HSPD1: variants seen among roughly 807,000 people sequenced by gnomAD.
HSPD1 encodes 60 kDa heat shock protein, mitochondrial.
Under a neutral mutation model 53.0 loss-of-function variants are expected in HSPD1, and 3 were observed. The ratio of observed to expected loss-of-function variants is 0.06; its 90% confidence interval spans 0.03 to 0.15. The LOEUF (loss-of-function observed/expected upper bound fraction) is 0.15, where lower values mean the gene tolerates loss of function less well. HSPD1 is among the 10% of genes least tolerant of loss of function. The pLI is 1.00. For missense variants in HSPD1, 431 were observed against 694.1 expected (o/e 0.62, Z 4.26); for synonymous variants, 200 against 228.0 (o/e 0.88, Z 1.10).
intron 7 of HSPD1, among the ~76,000 whole-genome samples, chr2:197,492,723 A>G (rs2086109814): frequency 6.6e-6 from 1 of 151,760 alleles, no homozygotes; most frequent in Non-Finnish European, 1.5e-5. Context: ...AAATAAAAAA[A>G]TTACAAGGCC....
intron 4 of HSPD1, 156 bp downstream of exon 4, chr2:197,495,138 A>T: frequency 1.5e-6 from 1 of 654,540 alleles, no homozygotes; most frequent in Non-Finnish European, 2.8e-6. Flanking sequence ...TTATGGTCAT[A>T]ATTCTTTTCA....
chr2:197,497,025 G>T, intron 3 of HSPD1, 115 bp downstream of exon 3: 1 of 1,057,490 alleles, frequency 9.5e-7, no homozygotes, highest in Non-Finnish European at 1.5e-6. Context: ...AGGCCAAGAG[G>T]AGGAATGAGA....
At chr2:197,491,190 G>GT (rs1261711864) in intron 7 of HSPD1, among the ~76,000 whole-genome samples, 3,915 of 136,674 alleles carry the variant, frequency 0.029, 134 homozygotes, top group African/African-American at 0.079. Flanking sequence ...TTTTTTGTGT[G>GT]TTTTTTTTTT....
intron 1 of HSPD1, chr2:197,499,478 T>G: frequency 6.5e-6 from 1 of 153,764 alleles, no homozygotes; most frequent in Admixed American, 6.5e-5. Flanking sequence ...TACACCACCC[T>G]CCCCGGTTCC....
rs143615888 is a variant in HSPD1, at chr2:197,497,674, A to C, written c.175-282T>G. On this transcript the variant is annotated intron_variant, in intron 2 of 11. Coordinates refer to ENST00000388968, the MANE Select transcript of HSPD1 (RefSeq NM_002156.5). ...TTGTCATCTTATAAAATGAACAAGA[A>C]CACAAGACAAAGAATAAAACAATCT... Among the ~76,000 whole-genome samples, 200 of 152,370 alleles carry C rather than the reference A, an allele frequency of 1.3e-3. 1 individual carries two copies. The highest frequency in any genetic ancestry group is 4.4e-3 in the African/African-American group (184 of 41,600).
intron 6 of HSPD1, 46 bp from the exon 7 acceptor site, chr2:197,493,538 A>G: frequency 2.2e-6 from 3 of 1,372,200 alleles, no homozygotes; most frequent in Non-Finnish European, 3.1e-6. Context: ...AAATGACTGC[A>G]ATACATTTAA....
intron 7 of HSPD1, chr2:197,490,594 GC>G: frequency 2.8e-6 from 1 of 359,418 alleles, no homozygotes; most frequent in Non-Finnish European, 5.2e-6. Context: ...ACTTTGCAAG[GC>G]CCAGGCAGGT....
chr2:197,490,850 A>G (rs2086082870), intron 7 of HSPD1, among the ~76,000 whole-genome samples: 1 of 152,236 alleles, frequency 6.6e-6, no homozygotes, highest in Non-Finnish European at 1.5e-5. Flanking sequence ...ATCTCCATAT[A>G]TTAATGCTGA....
chr2:197,498,979 G>T, intron 1 of HSPD1, 129 bp from the exon 2 acceptor site: 1 of 852,020 alleles, frequency 1.2e-6, no homozygotes, highest in Non-Finnish European at 2.0e-6. Flanking sequence ...CAGCCACTAC[G>T]CCTGAATGAC....
At chr2:197,494,980 A>T (rs2086140164) in intron 4 of HSPD1, 1 of 598,288 alleles carries the variant, frequency 1.7e-6, no homozygotes, top group Non-Finnish European at 3.0e-6. Flanking sequence ...TCTTGTAACA[A>T]AAAGTTTAAA....
chr2:197,493,944 A>G (rs1312631721), intron 6 of HSPD1, among the ~76,000 whole-genome samples: 1 of 152,172 alleles, frequency 6.6e-6, no homozygotes, highest in African/African-American at 2.4e-5. Flanking sequence ...TCTACTAAAA[A>G]TACAAAAATC....
In HSPD1 at chr2:197,498,734, A is replaced by T; in HGVS notation, c.115T>A (p.Leu39Ile). The change falls in exon 2 of 12, where the codon TTA becomes ATA. Residue 39 changes from leucine (L) to isoleucine (I), a missense_variant. Coordinates refer to ENST00000388968, the MANE Select transcript of HSPD1 (RefSeq NM_002156.5). Reference protein sequence around the residue: ...DVKFGADARALMLQGVDLLAD... With the variant: ...DVKFGADARAIMLQGVDLLAD... ...AAAAGGTCTACACCTTGAAGCATTA[A>T]GGCTCGGGCATCTGCACCAAATTTT... The T allele has an allele frequency of 6.2e-7, 1 of 1,614,194 alleles. No homozygotes were observed. Among genetic ancestry groups the T allele is most frequent in the East Asian group, 2.2e-5 (1 of 44,890 alleles).
At chr2:197,500,240 G>A (rs1042611498), upstream of HSPD1, 2 of 673,318 alleles carry the variant, frequency 3.0e-6, no homozygotes, top group East Asian at 2.7e-5. Context: ...GTCCTGCGCA[G>A]GGCCCTTGGG....
chr2:197,497,525 A>T lies in HSPD1; in HGVS notation c.175-133T>A, dbSNP rs138170796. The T allele has an allele frequency of 1.8e-4, 160 of 874,948 alleles. No homozygotes were observed. In the African/African-American group the frequency reaches 2.5e-3, roughly 14 times the overall value. 54.2% of individuals were successfully genotyped at this position (874,948 alleles called of 1,614,324 possible). A position where few individuals can be genotyped will look rare whatever the true frequency, so the allele number is the denominator to read the frequency against. The stretch of plus-strand genomic sequence containing the variant: ...GTTGTGTCATTTTTATCAGTCTTGC[A>T]GCATGAACCTCAAGGGCAAGTTTAT... On this transcript the variant is annotated intron_variant, in intron 2 of 11. Coordinates refer to ENST00000388968, the MANE Select transcript of HSPD1 (RefSeq NM_002156.5).
chr2:197,500,215 A>C (rs1023219923), upstream of HSPD1: 5 of 610,060 alleles, frequency 8.2e-6, no homozygotes, highest in Non-Finnish European at 1.5e-5. Context: ...TCCGCCTCCG[A>C]GTCTTCGCGT....
At chr2:197,488,237 C>A (rs774198528) in intron 10 of HSPD1, 80 bp downstream of exon 10, 26 of 1,246,176 alleles carry the variant, frequency 2.1e-5, no homozygotes, top group Non-Finnish European at 2.8e-5. Context: ...ATGTGCTATT[C>A]CATTTAGGGG....
rs772937717 is a variant in HSPD1, at chr2:197,490,173, C to G, written c.969+24G>C. On this transcript the variant is annotated intron_variant, in intron 8 of 11. Transcript: ENST00000388968. ...AGACAAGTATAAACATTCAGCAAAC[C>G]ATTATCACATTTATTTTACTTACTG... 2.7e-5 allele frequency: 39 copies of G among 1,456,172 alleles called. No individual in the cohort carries two copies. The South Asian group carries it at 4.4e-4, about 17-fold the overall frequency. The allele number at this position is 1,456,172 out of a possible 1,614,324, so 90.2% of individuals were successfully genotyped here.
intron 8 of HSPD1, among the ~76,000 whole-genome samples, chr2:197,489,628 G>A (rs1181268372): frequency 6.6e-6 from 1 of 152,156 alleles, no homozygotes; most frequent in Non-Finnish European, 1.5e-5. Flanking sequence ...GGGAGGCGGA[G>A]GCAGGCATAT....
intron 7 of HSPD1, among the ~76,000 whole-genome samples, chr2:197,491,497 G>A (rs921005934): frequency 1.1e-4 from 16 of 152,068 alleles, no homozygotes; most frequent in African/African-American, 3.9e-4. Context: ...GCAAATCCAA[G>A]CTAAGAAAAA....
Sources: allele counts gnomAD v4.1 joint callset (sites outside exome capture counted in the v4.1 genomes callset), GRCh38; gene constraint gnomAD v4.1.1; transcripts MANE v1.5; gene names NCBI Gene and HGNC (gene_info 2026-07-23, HGNC 2026-07-21).